Variants in COL5A1 observed in about 807,000 individuals in gnomAD.
COL5A1 encodes the protein collagen alpha-1(V) chain.
Under a neutral mutation model 263.7 loss-of-function variants are expected in COL5A1, and 16 were observed. That is an observed-to-expected ratio of 0.06 (90% CI 0.04 to 0.09). The LOEUF is 0.09. COL5A1 is among the 10% of genes least tolerant of loss of function. The probability of loss-of-function intolerance (pLI) is 1.00; values close to 1 mark genes in which losing one functional copy is unlikely to be tolerated. For synonymous variants in COL5A1, 1,012 were observed against 1,004.5 expected (o/e 1.01, Z -0.14); for missense variants, 2,036 against 2,540.5 (o/e 0.80, Z 4.27).
At chr9:134,798,510 C>T (rs776802313) in intron 37 of COL5A1, 49 bp downstream of exon 37, 2 of 1,570,900 alleles carry the variant, frequency 1.3e-6, no homozygotes, top group Admixed American at 3.3e-5. Context: ...TCTCTGACCA[C>T]CCTGCACGTG....
chr9:134,732,552 T>C, intron 9 of COL5A1: 1 of 295,274 alleles, frequency 3.4e-6, no homozygotes, highest in Non-Finnish European at 6.5e-6. Context: ...CACGTGGTCG[T>C]ACCTCTCTGC....
rs1254289783 is a variant in COL5A1, at chr9:134,842,435, G to A, written c.*132G>A. 1.5e-5 allele frequency: 17 copies of A among 1,123,846 alleles called. No individual in the cohort carries two copies. Among genetic ancestry groups the A allele is most frequent in the Admixed American group, 2.0e-5 (1 of 49,678 alleles). 69.6% of individuals were successfully genotyped at this position (1,123,846 alleles called of 1,614,324 possible). On this transcript the variant is annotated 3_prime_UTR_variant, in exon 66 of 66. Coordinates refer to ENST00000371817, the MANE Select transcript of COL5A1 (RefSeq NM_000093.5). The surrounding 1 kb of genome is among the most constrained non-coding windows in gnomAD (Gnocchi z 5.8). The stretch of plus-strand genomic sequence containing the variant: ...TCCCCTCCCACCTGACTTCATCTAC[G>A]CCTCGGCACCACGGGGTGTGGGACC...
Position 134,812,431 on chromosome 9 carries a change from G to C in COL5A1, c.3691-18G>C. 6.2e-7 allele frequency: 1 copy of C among 1,613,848 alleles called. No individual in the cohort carries two copies. Among genetic ancestry groups the C allele is most frequent in the South Asian group, 1.1e-5 (1 of 91,056 alleles). On this transcript the variant is annotated intron_variant, in intron 46 of 65. Transcript: ENST00000371817. ...ACATGACAGAACAGCGCTTAACTGG[G>C]AAGTTTCCTGTTCTCAGGGTTTGCC...
intron 4 of COL5A1, among the ~76,000 whole-genome samples, chr9:134,701,547 G>A (rs1049119893): frequency 4.6e-5 from 7 of 152,188 alleles, no homozygotes; most frequent in East Asian, 1.9e-4. Context: ...CCTGTAGGCC[G>A]CGTGGGGATG....
At chr9:134,730,120 C>T (rs934961397) in intron 6 of COL5A1, 116 bp from the exon 7 acceptor site, 2 of 1,488,396 alleles carry the variant, frequency 1.3e-6, no homozygotes, top group Non-Finnish European at 1.8e-6. Flanking sequence ...CTTGACAGGC[C>T]TGGGCTCCAG....
At chr9:134,824,902 C>G (rs547904605) in intron 62 of COL5A1, 47 bp downstream of exon 62, 39 of 1,574,018 alleles carry the variant, frequency 2.5e-5, no homozygotes, top group Middle Eastern at 1.8e-4. Flanking sequence ...CGGGCATGGA[C>G]CTGCAGGACA....
At chr9:134,744,447 ACACG>A (rs1322229676) in intron 11 of COL5A1, among the ~76,000 whole-genome samples, 3 of 152,024 alleles carry the variant, frequency 2.0e-5, no homozygotes, top group Non-Finnish European at 4.4e-5. Context: ...ACTCATGTGT[ACACG>A]CACACACTCA....
intron 26 of COL5A1, among the ~76,000 whole-genome samples, chr9:134,773,508 C>T (rs948256886): frequency 7.2e-5 from 11 of 152,246 alleles, no homozygotes; most frequent in African/African-American, 2.7e-4. Context: ...TGAAACCGCA[C>T]ACCGAGCTCA....
At chr9:134,824,956 G>A (rs1325264669) in intron 62 of COL5A1, 101 bp downstream of exon 62, 40 of 1,456,290 alleles carry the variant, frequency 2.7e-5, no homozygotes, top group Non-Finnish European at 3.4e-5. Context: ...CAGCGGAAGG[G>A]ACAGGACGGG....
Position 134,642,276 on chromosome 9 carries a change from C to T in COL5A1, c.89C>T (p.Ala30Val). 1 of 1,175,006 alleles carries T rather than the reference C, an allele frequency of 8.5e-7. No individual in the cohort carries two copies. Among genetic ancestry groups the T allele is most frequent in the Non-Finnish European group, 1.1e-6 (1 of 939,958 alleles). The allele number at this position is 1,175,006 out of a possible 1,614,324, so 72.8% of individuals were successfully genotyped here. Residue 30 changes from alanine to valine, a missense_variant, in exon 1 of 66, where the codon GCG becomes GTG. Coordinates refer to ENST00000371817, the MANE Select transcript of COL5A1 (RefSeq NM_000093.5). This position sits in a 1 kb window ranked among gnomAD's most constrained non-coding sequence, Gnocchi z 4.5. ...CCGCTGCTGCTGCTGCTGCTGTGGG[C>T]GCCGCCTCCGAGCCGCGCAGGTAAG... ...LPPLLLLLLW[A>V]PPPSRAAQPA... is the part of the protein sequence containing the mutation.
intron 64 of COL5A1, chr9:134,832,869 T>C (rs1045268912): frequency 1.3e-5 from 2 of 152,392 alleles, no homozygotes; most frequent in South Asian, 2.1e-4. Flanking sequence ...TTTGGGCTTT[T>C]TCTAGTGGCA....
Position 134,647,436 on chromosome 9 carries a change from G to A in COL5A1, c.109+5140G>A, listed in dbSNP as rs1039707032. 2.0e-5 allele frequency among the ~76,000 whole-genome samples: 3 copies of A among 152,136 alleles called. No individual in the cohort carries two copies. The highest frequency in any genetic ancestry group is 1.3e-4 in the Admixed American group (2 of 15,284). On this transcript the variant is annotated intron_variant, in intron 1 of 65. Transcript: ENST00000371817. The surrounding 1 kb of genome is among the most constrained non-coding windows in gnomAD (Gnocchi z 5.0). ...GTGTGGACAATGTGTATATCTCCCC[G>A]CGATCTGCCTGCACACATGTGTTTG...
chr9:134,712,857 C>T (rs540717436), intron 4 of COL5A1, among the ~76,000 whole-genome samples: 1 of 151,946 alleles, frequency 6.6e-6, no homozygotes, highest in Non-Finnish European at 1.5e-5. Flanking sequence ...GACCAGGTCT[C>T]CCCTGGACGC....
At chr9:134,691,958 A>T (rs898434837) in intron 2 of COL5A1, 1 of 152,186 alleles carries the variant, frequency 6.6e-6, no homozygotes, top group South Asian at 2.1e-4. Context: ...GGTGTTTCTG[A>T]TGATCGTGTC....
intron 36 of COL5A1, 114 bp from the exon 37 acceptor site, chr9:134,798,294 G>T: frequency 1.1e-6 from 1 of 940,930 alleles, no homozygotes; most frequent in African/African-American, 1.6e-5. Flanking sequence ...TTTCTCAGAG[G>T]ATGTGCAGGG....
Position 134,806,263 on chromosome 9 carries a change from A to C in COL5A1, c.3333A>C (p.Gly1111=), listed in dbSNP as rs968104367. Residue 1111 remains glycine (G), a synonymous_variant, in exon 42 of 66, where the codon GGA becomes GGC. Transcript: ENST00000371817. The stretch of plus-strand genomic sequence containing the variant: ...TTCCAGGGAGACCTGGGCCCCAGGG[A>C]CCCCCAGGGCCGGCAGGAGAGAAAG... ...IGIPGRPGPQ[G]PPGPAGEKGA... is the part of the protein sequence containing the mutation. 7.1e-6 allele frequency: 11 copies of C among 1,549,490 alleles called. No homozygotes were observed. Among genetic ancestry groups the C allele is most frequent in the East Asian group, 2.4e-5 (1 of 40,888 alleles).
At position 134,716,660 on chromosome 9, in the gene COL5A1, G is replaced by GC. The variant is rs1834275387; in HGVS notation, c.655-10601dup. Among the ~76,000 whole-genome samples the GC allele has an allele frequency of 6.6e-6, 1 of 152,164 alleles. No homozygotes were observed. Among genetic ancestry groups the GC allele is most frequent in the South Asian group, 2.1e-4 (1 of 4,826 alleles). ...TTTCGTCCCTTGGTCTAGAGATGAG[G>GC]CCCCCTCTCCGAGTTTGCTGAGCTG... On this transcript the variant is annotated intron_variant, in intron 4 of 65. Transcript: ENST00000371817. This position sits in a 1 kb window ranked among gnomAD's most constrained non-coding sequence, Gnocchi z 4.5.
chr9:134,828,561 A>AC lies in COL5A1; in HGVS notation c.5068-1414dup, dbSNP rs1473192228. Reference sequence around the variant, plus strand: ...CACACCACAGAGATACGCACCACACACACAATACACACCACATATACCACA... The same window carrying AC: ...CACACCACAGAGATACGCACCACACACCACAATACACACCACATATACCACA... On this transcript the variant is annotated intron_variant, in intron 63 of 65. Coordinates refer to ENST00000371817, the MANE Select transcript of COL5A1 (RefSeq NM_000093.5). Among the ~76,000 whole-genome samples the AC allele has an allele frequency of 5.2e-3, 778 of 150,316 alleles. 9 individuals are homozygous for AC. The highest frequency in any genetic ancestry group is 0.018 in the African/African-American group (714 of 40,096).
At chr9:134,736,737 T>G (rs1835113717) in intron 9 of COL5A1, among the ~76,000 whole-genome samples, 1 of 152,184 alleles carries the variant, frequency 6.6e-6, no homozygotes, top group South Asian at 2.1e-4. Flanking sequence ...TTATCTATCT[T>G]GAAGCAAATC....
Sources: gnomAD v4.1 joint callset for allele counts (sites outside exome capture counted in the v4.1 genomes callset) on GRCh38, gnomAD v4.1.1 for gene constraint, Gnocchi (gnomAD v3.1) non-coding constraint, MANE v1.5 for transcripts, NCBI Gene and HGNC (gene_info 2026-07-23, HGNC 2026-07-21) for gene names.